The following JAKMIP3 variants were observed in gnomAD, a reference collection of about 807,000 sequenced individuals.
JAKMIP3 encodes janus kinase and microtubule-interacting protein 3.
In JAKMIP3, 58 loss-of-function variants were observed where a neutral mutation model predicts 118.5. The ratio of observed to expected loss-of-function variants is 0.49; its 90% CI spans 0.40 to 0.61. JAKMIP3 has a LOEUF of 0.61. Ranked by LOEUF, JAKMIP3 falls within the 20% of genes least tolerant of loss-of-function variation. The pLI is 0.00. For missense variants in JAKMIP3, 950 were observed against 1,109.0 expected (o/e 0.86, Z 2.04); for synonymous variants, 486 against 451.2 (o/e 1.08, Z -0.98).
chr10:132,051,121 A>AGTGG (rs2038091050), intron 1 of JAKMIP3, among the ~76,000 whole-genome samples: 1 of 100,588 alleles, frequency 9.9e-6, no homozygotes, highest in African/African-American at 3.7e-5. Flanking sequence ...CGTTCTGGTG[A>AGTGG]GTGGGTACCT....
chr10:132,127,942 T>C (rs1234356911), intron 3 of JAKMIP3, among the ~76,000 whole-genome samples: 2 of 152,196 alleles, frequency 1.3e-5, no homozygotes, highest in Non-Finnish European at 2.9e-5. Flanking sequence ...TTGTCATATA[T>C]TTTACTTTGA....
At chr10:132,071,887 TCTTTC>T (rs762138015) in intron 1 of JAKMIP3, among the ~76,000 whole-genome samples, 136 of 41,796 alleles carry the variant, frequency 3.3e-3, no homozygotes, top group Non-Finnish European at 5.0e-3. Flanking sequence ...TTCCTTTCTT[TCTTTC>T]CTTTCTTTCT....
upstream of JAKMIP3, among the ~76,000 whole-genome samples, chr10:132,059,714 G>A (rs796236037): frequency 1.2e-4 from 18 of 152,372 alleles, 1 homozygote; most frequent in African/African-American, 4.1e-4. Flanking sequence ...GCAGGAATGA[G>A]GTAGGCAAGA....
chr10:132,040,659 AT>A (rs34862839), intron 1 of JAKMIP3, among the ~76,000 whole-genome samples: 1,398 of 134,584 alleles, frequency 0.01, 21 homozygotes, highest in African/African-American at 0.036. Flanking sequence ...TTTCATTTTC[AT>A]TTTTTTTTTA....
At chr10:132,041,510 T>A (rs564368802) in intron 1 of JAKMIP3, among the ~76,000 whole-genome samples, 4 of 152,370 alleles carry the variant, frequency 2.6e-5, no homozygotes, top group Admixed American at 2.6e-4. Context: ...GTGGCCCCTC[T>A]GCCGCGTGTC....
chr10:132,047,293 A>G (rs75702750), intron 1 of JAKMIP3, among the ~76,000 whole-genome samples: 1,722 of 152,306 alleles, frequency 0.011, 17 homozygotes, highest in Middle Eastern at 0.034. Context: ...ATCCATAGCT[A>G]AGCTACAGGC....
chr10:132,133,585 G>C (rs1446270871), intron 4 of JAKMIP3, 58 bp downstream of exon 4: 1 of 1,453,448 alleles, frequency 6.9e-7, no homozygotes, highest in Non-Finnish European at 9.4e-7. Flanking sequence ...CTGGCCATGT[G>C]GCTGCATGGC....
chr10:132,181,250 G>C (rs1016224831), intron 23 of JAKMIP3: 2 of 152,182 alleles, frequency 1.3e-5, no homozygotes, highest in African/African-American at 4.8e-5. Context: ...CTTTAATTTG[G>C]GGAGTGAGTT....
At chr10:132,141,840 C>A in intron 10 of JAKMIP3, 80 bp from the exon 11 acceptor site, 1 of 1,502,344 alleles carries the variant, frequency 6.7e-7, no homozygotes, top group Non-Finnish European at 8.9e-7. Flanking sequence ...AGAAGGGAAG[C>A]CCCGGGGCCC....
chr10:132,091,633 C>T (rs1020793508), intron 1 of JAKMIP3, among the ~76,000 whole-genome samples: 1 of 152,178 alleles, frequency 6.6e-6, no homozygotes, highest in Non-Finnish European at 1.5e-5. Context: ...GGTAGATCTT[C>T]CTCCATCCCT....
upstream of JAKMIP3, among the ~76,000 whole-genome samples, chr10:132,060,280 C>T (rs184526402): frequency 8.8e-4 from 134 of 152,164 alleles, no homozygotes; most frequent in African/African-American, 3.0e-3. Context: ...GCAAACTGCC[C>T]GGCCGGGAGG....
intron 3 of JAKMIP3, among the ~76,000 whole-genome samples, chr10:132,124,399 G>A (rs1345495316): frequency 1.5e-5 from 2 of 137,338 alleles, no homozygotes; most frequent in Admixed American, 7.4e-5. Context: ...CGGCCACACC[G>A]CACACATCCA....
At chr10:132,042,219 T>TTCCTTCCTTCCTTCC (rs1564848163) in intron 1 of JAKMIP3, among the ~76,000 whole-genome samples, 52 of 29,238 alleles carry the variant, frequency 1.8e-3, no homozygotes, top group East Asian at 5.0e-3. Context: ...TCCTTCCTTC[T>TTCCTTCCTTCCTTCC]TTCCTCCTCC....
chr10:132,070,315 A>G (rs2039635339), intron 1 of JAKMIP3, among the ~76,000 whole-genome samples: 1 of 151,738 alleles, frequency 6.6e-6, no homozygotes, highest in African/African-American at 2.4e-5. Context: ...ACCCGGCTAA[A>G]TTTTGTATTT....
chr10:132,042,312 A>G (rs1291149537), intron 1 of JAKMIP3, among the ~76,000 whole-genome samples: 1 of 151,632 alleles, frequency 6.6e-6, no homozygotes, highest in African/African-American at 2.4e-5. Context: ...ACTGGGCTCA[A>G]GTGATCCTCA....
At chr10:132,070,614 A>C (rs2039693242) in intron 1 of JAKMIP3, among the ~76,000 whole-genome samples, 1 of 152,172 alleles carries the variant, frequency 6.6e-6, no homozygotes, top group Admixed American at 6.5e-5. Flanking sequence ...TCATTCCTGA[A>C]GTCCAAAGGG....
chr10:132,160,119 CCTGTGTGATGCTGGGGGGGGTCTCTT>C (rs1311337991), intron 19 of JAKMIP3, among the ~76,000 whole-genome samples: 2 of 26,924 alleles, frequency 7.4e-5, no homozygotes. Flanking sequence ...GTGGCCTCTT[CCTGTGTGATGCTGGGGGGGGTCTCTT>C]CCTGTGTGAT....
intron 13 of JAKMIP3, among the ~76,000 whole-genome samples, chr10:132,147,097 C>T (rs1193680961): frequency 6.6e-6 from 1 of 152,238 alleles, no homozygotes; most frequent in African/African-American, 2.4e-5. Context: ...TCTGGCTACA[C>T]TGGGTGCAGA....
chr10:132,062,546 A>G (rs2038431019), upstream of JAKMIP3, among the ~76,000 whole-genome samples: 1 of 152,258 alleles, frequency 6.6e-6, no homozygotes, highest in African/African-American at 2.4e-5. Context: ...GAAGATCTAC[A>G]CGCACCAGTG....
Sources: gnomAD v4.1 joint callset for allele counts (sites outside exome capture counted in the v4.1 genomes callset) on GRCh38, gnomAD v4.1.1 for gene constraint, MANE v1.5 for transcripts, NCBI Gene and HGNC (gene_info 2026-07-23, HGNC 2026-07-21) for gene names.